SHISA9: variants seen among roughly 807,000 people sequenced by gnomAD.
The protein encoded by SHISA9 is protein shisa-9.
In SHISA9, 13 loss-of-function variants were observed where a neutral mutation model predicts 38.0. The ratio of observed to expected loss-of-function variants is 0.34; its 90% CI spans 0.22 to 0.54. The LOEUF (loss-of-function observed/expected upper bound fraction) is 0.54, where lower values mean the gene tolerates loss of function less well. Ranked by LOEUF, SHISA9 falls within the 20% of genes least tolerant of loss-of-function variation. The pLI, the probability that SHISA9 is intolerant of heterozygous loss-of-function variation, is 0.91. For synonymous variants in SHISA9, 275 were observed against 242.0 expected, an observed-to-expected ratio of 1.14 and a Z score of -1.27; for missense variants, 538 against 575.8, an observed-to-expected ratio of 0.93 and a Z score of 0.67.
chr16:13,544,425 T>C, the SHISA9 span, among the ~76,000 whole-genome samples: 185 of 108,458 alleles, frequency 1.7e-3, no homozygotes, highest in Admixed American at 5.8e-3. Context: ...TTTTTTTTTT[T>C]CTTGTTTTTT....
intron 2 of SHISA9, among the ~76,000 whole-genome samples, chr16:13,019,946 T>TC (rs1491303978): frequency 4.0e-5 from 4 of 98,798 alleles, no homozygotes; most frequent in South Asian, 3.6e-4. Flanking sequence ...TTTCTTTCTT[T>TC]CTTTCTTTCT....
chr16:13,062,188 T>TA (rs34685957), intron 2 of SHISA9, among the ~76,000 whole-genome samples: 33,400 of 146,366 alleles, frequency 0.23, 4,261 homozygotes, highest in African/African-American at 0.37. Flanking sequence ...GGACTTACGC[T>TA]AAAAAAAAAA....
chr16:13,069,904 C>T (rs1044518110), intron 2 of SHISA9, among the ~76,000 whole-genome samples: 14 of 152,128 alleles, frequency 9.2e-5, no homozygotes, highest in African/African-American at 3.4e-4. Flanking sequence ...AATGAGTCCT[C>T]ATCAGACACC....
chr16:13,434,419 G>GTGTTTTTTTTGT, the SHISA9 span, among the ~76,000 whole-genome samples: 107 of 64,554 alleles, frequency 1.7e-3, 1 homozygote, highest in Middle Eastern at 9.8e-3. Flanking sequence ...GACAAGCTAT[G>GTGTTTTTTTTGT]TTTTTTTTTT....
intron 2 of SHISA9, among the ~76,000 whole-genome samples, chr16:12,975,659 G>T (rs1465763982): frequency 3.4e-5 from 5 of 148,522 alleles, no homozygotes; most frequent in South Asian, 2.2e-4. Context: ...ACGGGGGCGG[G>T]GGGGGTAAGG....
chr16:13,323,059 T>G, the SHISA9 span, among the ~76,000 whole-genome samples: 1 of 152,330 alleles, frequency 6.6e-6, no homozygotes, highest in Non-Finnish European at 1.5e-5. Flanking sequence ...TTGTTTAGGT[T>G]CAACCCCCAG....
At chr16:13,491,406 T>C in the SHISA9 span, among the ~76,000 whole-genome samples, 2 of 151,348 alleles carry the variant, frequency 1.3e-5, no homozygotes, top group African/African-American at 4.9e-5. Flanking sequence ...TTTAACCTTT[T>C]GGAGACTTTC....
chr16:13,520,627 G>C, the SHISA9 span, among the ~76,000 whole-genome samples: 2 of 99,176 alleles, frequency 2.0e-5, no homozygotes, highest in Admixed American at 1.0e-4. Context: ...AAAAAAAAAA[G>C]TTATAGGGGA....
intron 2 of SHISA9, among the ~76,000 whole-genome samples, chr16:13,114,825 A>G (rs985827344): frequency 6.6e-6 from 1 of 152,096 alleles, no homozygotes; most frequent in Non-Finnish European, 1.5e-5. Context: ...TTCATTCTGC[A>G]TCTTGCTTGT....
chr16:13,441,006 A>G, the SHISA9 span, among the ~76,000 whole-genome samples: 2 of 152,308 alleles, frequency 1.3e-5, no homozygotes, highest in Admixed American at 6.5e-5. Flanking sequence ...TCCAACTCAC[A>G]TGGCAATAAT....
intron 2 of SHISA9, among the ~76,000 whole-genome samples, chr16:12,937,200 A>C (rs1190617703): frequency 3.3e-5 from 5 of 152,164 alleles, no homozygotes; most frequent in African/African-American, 1.2e-4. Context: ...TATGTCTAGC[A>C]GTCTGTCCAT....
chr16:12,979,056 G>C (rs965318045), intron 2 of SHISA9, among the ~76,000 whole-genome samples: 1 of 152,106 alleles, frequency 6.6e-6, no homozygotes, highest in East Asian at 1.9e-4. Context: ...CAATCTCCAC[G>C]TCTAATCAGT....
chr16:12,955,907 G>A (rs2071826832), intron 2 of SHISA9, among the ~76,000 whole-genome samples: 2 of 152,226 alleles, frequency 1.3e-5, no homozygotes, highest in South Asian at 2.1e-4. Flanking sequence ...ATAGAGAAAT[G>A]AGACTTACTT....
chr16:13,199,627 C>T (rs2050984608), intron 2 of SHISA9, among the ~76,000 whole-genome samples: 2 of 152,192 alleles, frequency 1.3e-5, no homozygotes, highest in Admixed American at 6.5e-5. Context: ...AGATTTTCTC[C>T]ACATGGTAGG....
At chr16:13,469,319 AG>A in the SHISA9 span, among the ~76,000 whole-genome samples, 692 of 108,584 alleles carry the variant, frequency 6.4e-3, 20 homozygotes, top group Middle Eastern at 0.02. Context: ...AGAGAGAGAG[AG>A]AGAAAGAAAG....
intron 2 of SHISA9, among the ~76,000 whole-genome samples, chr16:13,173,810 C>T (rs1023884695): frequency 2.6e-5 from 4 of 152,066 alleles, no homozygotes; most frequent in African/African-American, 7.3e-5. Context: ...GTATTCTAAG[C>T]CAGAGGAAGT....
At chr16:13,121,832 T>TACACACACACACACACAC (rs55727441) in intron 2 of SHISA9, among the ~76,000 whole-genome samples, 2 of 134,818 alleles carry the variant, frequency 1.5e-5, no homozygotes, top group African/African-American at 2.7e-5. Flanking sequence ...TATACACACA[T>TACACACACACACACACAC]ACACACACAC....
At chr16:13,118,168 C>G (rs1255486255) in intron 2 of SHISA9, among the ~76,000 whole-genome samples, 1 of 139,878 alleles carries the variant, frequency 7.1e-6, no homozygotes, top group South Asian at 2.2e-4. Context: ...GGCGACAGAG[C>G]GAGACTTCGT....
intron 2 of SHISA9, among the ~76,000 whole-genome samples, chr16:13,129,412 C>T (rs1450948473): frequency 6.6e-6 from 1 of 152,148 alleles, no homozygotes; most frequent in East Asian, 1.9e-4. Flanking sequence ...ATCTGACCAG[C>T]AGACAAGGGG....
Sources: gnomAD v4.1 joint callset for allele counts (sites outside exome capture counted in the v4.1 genomes callset) on GRCh38, gnomAD v4.1.1 for gene constraint, MANE v1.5 for transcripts, NCBI Gene and HGNC (gene_info 2026-07-23, HGNC 2026-07-21) for gene names.